STAU2: variants seen among roughly 807,000 people sequenced by gnomAD.
The protein encoded by STAU2 is double-stranded RNA-binding protein Staufen homolog 2.
A neutral mutation model predicts 65.9 loss-of-function variants in STAU2; 20 were observed. The observed-to-expected ratio is 0.30, with a 90% CI of 0.21 to 0.44. The LOEUF is 0.44. Ranked by LOEUF, STAU2 falls within the 20% of genes least tolerant of loss-of-function variation. STAU2 has a pLI of 1.00. For missense variants in STAU2, 558 were observed against 683.9 expected (o/e 0.82, Z 2.05); for synonymous variants, 232 against 233.9 (o/e 0.99, Z 0.07).
intron 12 of STAU2, among the ~76,000 whole-genome samples, chr8:73,559,252 C>G (rs1426885094): frequency 6.6e-6 from 1 of 152,184 alleles, no homozygotes; most frequent in Non-Finnish European, 1.5e-5. Context: ...CATTATTACA[C>G]TTTTAAAAGT....
chr8:73,735,448 T>C (rs1586380694), intron 3 of STAU2, among the ~76,000 whole-genome samples: 1 of 152,310 alleles, frequency 6.6e-6, no homozygotes, highest in Middle Eastern at 3.4e-3. Context: ...TCTGTTAAGA[T>C]TGAGCATCCT....
rs1820716508 is a variant in STAU2 at position 73,709,138 on chromosome 8, T to A, written c.8A>T (p.Asn3Ile). The A allele has an allele frequency of 6.5e-7, 1 of 1,528,148 alleles. No individual in the cohort carries two copies. Among genetic ancestry groups the A allele is most frequent in the African/African-American group, 1.4e-5 (1 of 72,880 alleles). 94.7% of individuals were successfully genotyped at this position (1,528,148 alleles called of 1,614,324 possible). The change falls in exon 4 of 15, where the codon AAC becomes ATC. Residue 3 changes from asparagine (N) to isoleucine (I), a missense_variant. Asn to Ile is a moderately radical substitution (Grantham distance 149, BLOSUM62 -3). Coordinates refer to ENST00000524300, the MANE Select transcript of STAU2 (RefSeq NM_001164380.2). Reference protein sequence around the residue: MANPKEKTAMCLV... With the variant: MAIPKEKTAMCLV... The stretch of plus-strand genomic sequence containing the variant: ...ACACATTGCAGTTTTCTCTTTTGGG[T>A]TTGCCATTTTATCTTGGAGAGAAGC...
chr8:73,528,033 T>C (rs1224390692), intron 13 of STAU2, among the ~76,000 whole-genome samples: 2 of 152,326 alleles, frequency 1.3e-5, no homozygotes, highest in East Asian at 1.9e-4. Flanking sequence ...TTTTACATTA[T>C]AGCTAGTAGA....
chr8:73,522,519 T>C (rs529708233), intron 13 of STAU2, among the ~76,000 whole-genome samples: 44 of 152,332 alleles, frequency 2.9e-4, no homozygotes, highest in African/African-American at 1.0e-3. Flanking sequence ...ATAAGACAAT[T>C]GGCTCAGCAA....
intron 9 of STAU2, among the ~76,000 whole-genome samples, chr8:73,605,140 A>AG (rs958114809): frequency 6.6e-6 from 1 of 152,036 alleles, no homozygotes; most frequent in Non-Finnish European, 1.5e-5. Context: ...TAAGTAAAAA[A>AG]GGCAAGCTAC....
chr8:73,446,487 A>G (rs1207971740), intron 13 of STAU2, among the ~76,000 whole-genome samples: 1 of 152,212 alleles, frequency 6.6e-6, no homozygotes, highest in Non-Finnish European at 1.5e-5. Context: ...AGATGTAACC[A>G]CTGGAAGAGA....
chr8:73,606,969 CA>C (rs564521416), intron 9 of STAU2, among the ~76,000 whole-genome samples: 1 of 150,318 alleles, frequency 6.7e-6, no homozygotes, highest in Non-Finnish European at 1.5e-5. Flanking sequence ...AGAAGCCAGC[CA>C]AAAAAAAGAG....
rs543797384 is a variant in STAU2, at chr8:73,735,223, A to C, written c.-18+3061T>G. 2.8e-4 allele frequency among the ~76,000 whole-genome samples: 43 copies of C among 152,310 alleles called. No individual in the cohort carries two copies. In the South Asian group the frequency reaches 8.5e-3, roughly 30 times the overall value. ...TGGGATTACAGGCATGGGCCACCAC[A>C]CTGGGCCCCTTTACACATTTACCTT... On this transcript the variant is annotated intron_variant, in intron 3 of 14. Coordinates refer to ENST00000524300, the MANE Select transcript of STAU2 (RefSeq NM_001164380.2).
Position 73,429,413 on chromosome 8 carries a change from C to CTTTTT in STAU2, c.1531-6716_1531-6712dup, listed in dbSNP as rs71561522. Among the ~76,000 whole-genome samples the CTTTTT allele has an allele frequency of 1.1e-4, 7 of 65,366 alleles. 2 individuals are homozygous for CTTTTT. Among genetic ancestry groups the CTTTTT allele is most frequent in the South Asian group, 9.6e-4 (2 of 2,082 alleles). The allele number at this position is 65,366 out of a possible 152,430, so 42.9% of individuals were successfully genotyped here. Reference sequence around the variant, plus strand: ...AACCAATCTATATTCTTGCTCAGGTCTTTTTTTTTTTTTTTTTTTTTTTTT... The same window carrying CTTTTT: ...AACCAATCTATATTCTTGCTCAGGTCTTTTTTTTTTTTTTTTTTTTTTTTTTTTTT... On this transcript the variant is annotated intron_variant, in intron 13 of 14. Transcript: ENST00000524300.
chr8:73,599,069 T>C (rs1289679379), intron 10 of STAU2, among the ~76,000 whole-genome samples: 2 of 152,130 alleles, frequency 1.3e-5, no homozygotes, highest in East Asian at 3.8e-4. Context: ...TGACCTAAAC[T>C]CAATTAATTG....
At chr8:73,646,122 T>C (rs1180833762) in intron 6 of STAU2, among the ~76,000 whole-genome samples, 1 of 152,120 alleles carries the variant, frequency 6.6e-6, no homozygotes, top group Non-Finnish European at 1.5e-5. Flanking sequence ...TACCTAGAAC[T>C]AATAAGTGAA....
At chr8:73,708,408 T>C (rs577969018) in intron 4 of STAU2, among the ~76,000 whole-genome samples, 2 of 152,154 alleles carry the variant, frequency 1.3e-5, no homozygotes, top group African/African-American at 4.8e-5. Flanking sequence ...AGCTCAAACA[T>C]AAATGCATTA....
At chr8:73,422,174 T>C (rs1015755974) in intron 14 of STAU2, among the ~76,000 whole-genome samples, 8 of 152,228 alleles carry the variant, frequency 5.3e-5, no homozygotes, top group Non-Finnish European at 1.2e-4. Context: ...GAAAACCGAA[T>C]GCAGCCGAGG....
At position 73,746,788 on chromosome 8, in the gene STAU2, T is replaced by G. The variant is rs544658198; in HGVS notation, c.-202A>C. Reference sequence around the variant, plus strand: ...CCCCCGATGAGGGTATTTACCTTCTTGCCGGGGACACTTTGCAGACGGCTC... The same window carrying G: ...CCCCCGATGAGGGTATTTACCTTCTGGCCGGGGACACTTTGCAGACGGCTC... On this transcript the variant is annotated 5_prime_UTR_variant, in exon 1 of 15. Coordinates refer to ENST00000524300, the MANE Select transcript of STAU2 (RefSeq NM_001164380.2). 43 of 1,231,004 alleles carry G rather than the reference T, an allele frequency of 3.5e-5. No homozygotes were observed. In the African/African-American group the frequency reaches 5.3e-4, roughly 15 times the overall value. 76.3% of individuals were successfully genotyped at this position (1,231,004 alleles called of 1,614,324 possible).
chr8:73,640,704 A>T (rs775268670), intron 6 of STAU2, among the ~76,000 whole-genome samples: 23 of 152,196 alleles, frequency 1.5e-4, no homozygotes, highest in Non-Finnish European at 1.3e-4. Flanking sequence ...ATCATGGGAC[A>T]TACATAAAAA....
chr8:73,433,721 G>A (rs1429415398), intron 13 of STAU2, among the ~76,000 whole-genome samples: 3 of 151,884 alleles, frequency 2.0e-5, no homozygotes, highest in Non-Finnish European at 2.9e-5. Context: ...GGCTGGTCTC[G>A]AACTCCTGGG....
intron 11 of STAU2, among the ~76,000 whole-genome samples, chr8:73,594,491 T>C (rs1470068374): frequency 6.6e-6 from 1 of 152,234 alleles, no homozygotes; most frequent in Non-Finnish European, 1.5e-5. Context: ...ATAAAATGTT[T>C]GGTAGAAATA....
rs758159002 is a variant in STAU2 at position 73,595,271 on chromosome 8, T to G, written c.1056A>C (p.Thr352=). Residue 352 remains threonine (T), a synonymous_variant, in exon 11 of 15, where the codon ACA becomes ACC. Transcript: ENST00000524300. The part of the protein sequence containing the change: ...MQVKVGNEVA[T]GTGPNKKIAK... The stretch of plus-strand genomic sequence containing the variant: ...CTATCTTTTTATTAGGTCCTGTTCC[T>G]GTAGCAACTTCATTGCCTACCTTCA... The G allele has an allele frequency of 1.2e-6, 2 of 1,608,764 alleles. No homozygotes were observed. Among genetic ancestry groups the G allele is most frequent in the East Asian group, 2.2e-5 (1 of 44,614 alleles).
chr8:73,463,806 G>C (rs542941843), intron 13 of STAU2, among the ~76,000 whole-genome samples: 1 of 152,164 alleles, frequency 6.6e-6, no homozygotes, highest in Non-Finnish European at 1.5e-5. Flanking sequence ...TTCATGAACT[G>C]TGGTATGCAG....
Sources: allele counts gnomAD v4.1 joint callset (sites outside exome capture counted in the v4.1 genomes callset), GRCh38; gene constraint gnomAD v4.1.1; transcripts MANE v1.5; gene names NCBI Gene and HGNC (gene_info 2026-07-23, HGNC 2026-07-21).